CCNT1: variants seen among roughly 807,000 people sequenced by gnomAD.
CCNT1 encodes cyclin T1.
In CCNT1, 18 loss-of-function variants were observed where a neutral mutation model predicts 67.3. That is an observed-to-expected ratio of 0.27 (90% CI 0.18 to 0.40). The LOEUF (loss-of-function observed/expected upper bound fraction) is 0.40, where lower values mean the gene tolerates loss of function less well. CCNT1 is among the 10% of genes least tolerant of loss of function. The pLI is 1.00. For synonymous variants in CCNT1, 333 were observed against 310.3 expected (o/e 1.07, Z -0.77); for missense variants, 744 against 884.9 (o/e 0.84, Z 2.02).
chr12:48,710,820 T>A (rs545968865), intron 2 of CCNT1, among the ~76,000 whole-genome samples: 1 of 152,264 alleles, frequency 6.6e-6, no homozygotes, highest in South Asian at 2.1e-4. Flanking sequence ...TTCCAGCACT[T>A]GGTAGGCCAA....
rs777085364 is a variant in CCNT1, at chr12:48,692,947, A to G, written c.*86T>C. On this transcript the variant is annotated 3_prime_UTR_variant, in exon 9 of 9. Coordinates refer to ENST00000261900, the MANE Select transcript of CCNT1 (RefSeq NM_001240.4). Reference sequence around the variant, plus strand: ...CCCTAGTCCAAGGATGACATATTTCATAAGTAATTTTCTTAGTCCAAAAAA... The same window carrying G: ...CCCTAGTCCAAGGATGACATATTTCGTAAGTAATTTTCTTAGTCCAAAAAA... 7.2e-6 allele frequency: 6 copies of G among 838,894 alleles called. No individual in the cohort carries two copies. The highest frequency in any genetic ancestry group is 9.1e-6 in the Non-Finnish European group (5 of 548,388). The allele number at this position is 838,894 out of a possible 1,614,324, so 52.0% of individuals were successfully genotyped here. A position where few individuals can be genotyped will look rare whatever the true frequency, so the allele number is the denominator to read the frequency against.
chr12:48,691,615 C>A lies in CCNT1; in HGVS notation c.*1418G>T, dbSNP rs1245721117. 2 of 152,142 alleles carry A rather than the reference C, an allele frequency of 1.3e-5. No individual in the cohort carries two copies. The highest frequency in any genetic ancestry group is 2.4e-5 in the African/African-American group (1 of 41,428). 9.4% of individuals were successfully genotyped at this position (152,142 alleles called of 1,614,324 possible). ...GCCTCCATAACAACAGGACTCTTGA[C>A]CTATTTTTATAAAGGACTTAGAAAT... On this transcript the variant is annotated 3_prime_UTR_variant, in exon 9 of 9. Transcript: ENST00000261900.
intron 4 of CCNT1, among the ~76,000 whole-genome samples, 184 bp downstream of exon 4, chr12:48,700,829 C>T (rs1456250572): frequency 3.9e-5 from 6 of 152,212 alleles, no homozygotes; most frequent in African/African-American, 1.2e-4. Flanking sequence ...GTCAGCTGTA[C>T]TACCTGCATT....
intron 6 of CCNT1, 77 bp from the exon 7 acceptor site, chr12:48,696,239 TAAAAAAAA>T (rs71080140): frequency 2.2e-4 from 16 of 72,022 alleles, no homozygotes; most frequent in East Asian, 2.0e-3. Flanking sequence ...CTCCATTATT[TAAAAAAAA>T]AAAAAAAAAA....
intron 6 of CCNT1, among the ~76,000 whole-genome samples, chr12:48,697,522 T>TAAAAAAAAAAAAA (rs1205232506): frequency 1.4e-4 from 16 of 116,760 alleles, no homozygotes; most frequent in African/African-American, 5.1e-4. Context: ...GACTCTGTCT[T>TAAAAAAAAAAAAA]AAAAAAAAAA....
intron 2 of CCNT1, among the ~76,000 whole-genome samples, chr12:48,714,233 A>G (rs1477302144): frequency 6.6e-6 from 1 of 152,152 alleles, no homozygotes; most frequent in South Asian, 2.1e-4. Flanking sequence ...GAGAATCGAC[A>G]TGGATATACT....
At chr12:48,712,788 A>C (rs983201095) in intron 2 of CCNT1, among the ~76,000 whole-genome samples, 2 of 151,698 alleles carry the variant, frequency 1.3e-5, no homozygotes, top group African/African-American at 2.4e-5. Context: ...AAAAATACAA[A>C]AATTAGCCAG....
intron 2 of CCNT1, among the ~76,000 whole-genome samples, chr12:48,706,388 C>T (rs7976713): frequency 6.6e-6 from 1 of 152,134 alleles, no homozygotes; most frequent in African/African-American, 2.4e-5. Context: ...CACAATTTTG[C>T]GCATATACTA....
At chr12:48,712,491 C>G (rs1047888933) in intron 2 of CCNT1, among the ~76,000 whole-genome samples, 1 of 146,332 alleles carries the variant, frequency 6.8e-6, no homozygotes, top group Admixed American at 6.9e-5. Flanking sequence ...CTCAAACTCC[C>G]GACCTCAGGT....
chr12:48,714,424 A>G lies in CCNT1; in HGVS notation c.243+19T>C, dbSNP rs1940502937. Reference sequence around the variant, plus strand: ...ATCAATCACAAAAGGATTATATCATATAAAAAAATTATACTTACATTTCCA... The same window carrying G: ...ATCAATCACAAAAGGATTATATCATGTAAAAAAATTATACTTACATTTCCA... On this transcript the variant is annotated intron_variant, in intron 2 of 8. Transcript: ENST00000261900. 1 of 1,477,456 alleles carries G rather than the reference A, an allele frequency of 6.8e-7. No individual in the cohort carries two copies. The highest frequency in any genetic ancestry group is 9.5e-7 in the Non-Finnish European group (1 of 1,056,642). The allele number at this position is 1,477,456 out of a possible 1,614,324, so 91.5% of individuals were successfully genotyped here.
In CCNT1 at chr12:48,716,613, A is replaced by G. The variant is rs777863722; in HGVS notation, c.63T>C (p.Asn21=). 170 of 1,614,072 alleles carry G rather than the reference A, an allele frequency of 1.1e-4. No individual in the cohort carries two copies. The highest frequency in any genetic ancestry group is 1.3e-4 in the Non-Finnish European group (149 of 1,180,040). ...RWYFTREQLE[N]SPSRRFGVDP... is the part of the protein sequence containing the mutation. ...CCACGCCAAAACGACGGGATGGGCTATTTTCCAGCTGTTCTCGAGTGAAAT... is the reference window on the plus strand; with the variant it reads ...CCACGCCAAAACGACGGGATGGGCTGTTTTCCAGCTGTTCTCGAGTGAAAT... Residue 21 remains asparagine, a synonymous_variant, in exon 1 of 9, where the codon AAT becomes AAC. Coordinates refer to ENST00000261900, the MANE Select transcript of CCNT1 (RefSeq NM_001240.4).
chr12:48,710,414 T>C (rs1302107701), intron 2 of CCNT1, among the ~76,000 whole-genome samples: 1 of 152,170 alleles, frequency 6.6e-6, no homozygotes, highest in African/African-American at 2.4e-5. Flanking sequence ...GTGCCTAAAA[T>C]CAATCCTCTA....
intron 1 of CCNT1, among the ~76,000 whole-genome samples, chr12:48,714,915 C>T (rs1253081049): frequency 6.6e-6 from 1 of 152,140 alleles, no homozygotes; most frequent in Non-Finnish European, 1.5e-5. Context: ...CAAATTCAAG[C>T]GATTCTCCTG....
At chr12:48,707,810 G>A (rs1191247752) in intron 2 of CCNT1, among the ~76,000 whole-genome samples, 1 of 152,204 alleles carries the variant, frequency 6.6e-6, no homozygotes, top group Non-Finnish European at 1.5e-5. Flanking sequence ...TGTAATCCCA[G>A]CACTTTGGGA....
intron 6 of CCNT1, chr12:48,697,839 T>TTA (rs1491492499): frequency 3.4e-5 from 4 of 116,344 alleles, no homozygotes; most frequent in African/African-American, 6.6e-5. Flanking sequence ...AATAATAATT[T>TTA]AAAAAAAAAA....
rs1940125720 is a variant in CCNT1 at position 48,693,890 on chromosome 12, C to T, written c.1324G>A (p.Glu442Lys). The T allele has an allele frequency of 6.2e-7, 1 of 1,614,038 alleles. No individual in the cohort carries two copies. Among genetic ancestry groups the T allele is most frequent in the Non-Finnish European group, 8.5e-7 (1 of 1,180,000 alleles). Residue 442 changes from glutamate (E) to lysine (K), a missense_variant, in exon 9 of 9, where the codon GAG (glutamate) becomes AAG (lysine). Coordinates refer to ENST00000261900, the MANE Select transcript of CCNT1 (RefSeq NM_001240.4). ...HSSVILKMPI[E>K]GSENPERPFL... ...GGCCGCTCGGGGTTTTCTGAACCCT[C>T]TATGGGCATTTTTAGAATGACTGAA... is the stretch of plus-strand genomic sequence containing the variant.
At chr12:48,716,234 A>G (rs527777478) in intron 1 of CCNT1, among the ~76,000 whole-genome samples, 72 of 152,364 alleles carry the variant, frequency 4.7e-4, no homozygotes, top group Non-Finnish European at 7.6e-4. Context: ...TCAGAACACA[A>G]TGAAGACAGA....
intron 2 of CCNT1, among the ~76,000 whole-genome samples, chr12:48,706,412 T>C (rs1026045426): frequency 1.3e-5 from 2 of 152,242 alleles, no homozygotes; most frequent in African/African-American, 4.8e-5. Context: ...ACCAGTGAAC[T>C]ATATAATTTA....
intron 2 of CCNT1, among the ~76,000 whole-genome samples, chr12:48,712,095 C>T (rs186280994): frequency 6.6e-6 from 1 of 151,898 alleles, no homozygotes; most frequent in East Asian, 1.9e-4. Flanking sequence ...GCACCTGGCC[C>T]ACAAAAATCT....
Sources: gnomAD v4.1 joint callset for allele counts (sites outside exome capture counted in the v4.1 genomes callset) on GRCh38, gnomAD v4.1.1 for gene constraint, MANE v1.5 for transcripts, NCBI Gene and HGNC (gene_info 2026-07-23, HGNC 2026-07-21) for gene names.